Variants in TSHZ2 observed in about 807,000 individuals in gnomAD.
TSHZ2 encodes the protein teashirt homolog 2.
Under a neutral mutation model 74.4 loss-of-function variants are expected in TSHZ2, and 21 were observed. The observed-to-expected ratio is 0.28, with a 90% CI of 0.20 to 0.41. The LOEUF is 0.41. Ranked by LOEUF, TSHZ2 falls within the 10% of genes least tolerant of loss-of-function variation. TSHZ2 has a pLI of 1.00. For missense variants in TSHZ2, 1,244 were observed against 1,293.5 expected (o/e 0.96, Z 0.59); for synonymous variants, 540 against 515.3 (o/e 1.05, Z -0.65).
At chr20:53,387,085 TCA>T (rs1014685341) in intron 2 of TSHZ2, among the ~76,000 whole-genome samples, 8 of 152,176 alleles carry the variant, frequency 5.3e-5, no homozygotes, top group Non-Finnish European at 1.5e-5. Flanking sequence ...GCTCCTGACT[TCA>T]CACACCTGCC....
chr20:53,050,178 CATAT>C (rs1385670873), intron 1 of TSHZ2, among the ~76,000 whole-genome samples: 2 of 137,306 alleles, frequency 1.5e-5, no homozygotes, highest in African/African-American at 5.6e-5. Context: ...CATATATACA[CATAT>C]ATATGTATAT....
chr20:53,172,108 C>A (rs541846437), intron 1 of TSHZ2, among the ~76,000 whole-genome samples: 1 of 152,298 alleles, frequency 6.6e-6, no homozygotes, highest in African/African-American at 2.4e-5. Context: ...TTGCCTAGAA[C>A]AAGAGGGTCA....
At chr20:53,164,692 G>C (rs1363028876) in intron 1 of TSHZ2, among the ~76,000 whole-genome samples, 1 of 152,200 alleles carries the variant, frequency 6.6e-6, no homozygotes, top group Non-Finnish European at 1.5e-5. Context: ...GCACTGTTCT[G>C]AAGGATTAAA....
chr20:53,298,737 T>C (rs926842327), intron 2 of TSHZ2, among the ~76,000 whole-genome samples: 4 of 152,206 alleles, frequency 2.6e-5, no homozygotes, highest in Admixed American at 6.5e-5. Context: ...CATACTGGGA[T>C]GCTACTGAGT....
At chr20:53,053,732 G>T (rs1019476334) in intron 1 of TSHZ2, among the ~76,000 whole-genome samples, 1 of 152,110 alleles carries the variant, frequency 6.6e-6, no homozygotes, top group African/African-American at 2.4e-5. Context: ...AAACATTTTT[G>T]AACTATCTGC....
chr20:53,207,930 T>C (rs568554403), intron 1 of TSHZ2, among the ~76,000 whole-genome samples: 9 of 147,568 alleles, frequency 6.1e-5, no homozygotes, highest in Non-Finnish European at 1.3e-4. Flanking sequence ...AAACTCCTGG[T>C]TTCAAGCAAT....
intron 2 of TSHZ2, among the ~76,000 whole-genome samples, chr20:53,369,569 G>T (rs1345815225): frequency 6.6e-6 from 1 of 151,874 alleles, no homozygotes; most frequent in Non-Finnish European, 1.5e-5. Context: ...AAATTAGCTG[G>T]GCATGGTGGT....
intron 2 of TSHZ2, among the ~76,000 whole-genome samples, chr20:53,315,916 G>A (rs964654357): frequency 6.6e-6 from 1 of 152,158 alleles, no homozygotes; most frequent in Non-Finnish European, 1.5e-5. Context: ...AGCTCTGGAG[G>A]TGGGTGGGTG....
chr20:53,066,643 G>A (rs2123183215), intron 1 of TSHZ2, among the ~76,000 whole-genome samples: 1 of 152,248 alleles, frequency 6.6e-6, no homozygotes, highest in Non-Finnish European at 1.5e-5. Context: ...GAGTAGCTGG[G>A]ATAACAGGTA....
chr20:53,347,060 G>A (rs1198646056), intron 2 of TSHZ2, among the ~76,000 whole-genome samples: 1 of 152,176 alleles, frequency 6.6e-6, no homozygotes, highest in Non-Finnish European at 1.5e-5. Flanking sequence ...ATGGGCTCCT[G>A]GGAAAGCAGT....
rs371614652 is a variant in TSHZ2, at chr20:53,063,989, C to T, written c.40+90656C>T. ...AGCCTCAAGTTATATTTCTTAATAG[C>T]GATGCAGCAAATTACTATATCTACA... is the stretch of plus-strand genomic sequence containing the variant. On this transcript the variant is annotated intron_variant, in intron 1 of 2. Coordinates refer to ENST00000371497, the MANE Select transcript of TSHZ2 (RefSeq NM_173485.6). 4.7e-4 allele frequency among the ~76,000 whole-genome samples: 71 copies of T among 152,096 alleles called. No homozygotes were observed. The Middle Eastern group carries it at 0.014, about 29-fold the overall frequency.
chr20:53,484,327 C>T (rs940458446), intron 2 of TSHZ2, among the ~76,000 whole-genome samples: 2 of 151,858 alleles, frequency 1.3e-5, no homozygotes, highest in African/African-American at 4.8e-5. Flanking sequence ...TAAAGCCATC[C>T]TCTGCTTTTT....
At chr20:53,441,250 ATTTTATTTTATTTTATTTTAT>A (rs1984308322) in intron 2 of TSHZ2, among the ~76,000 whole-genome samples, 36 of 146,192 alleles carry the variant, frequency 2.5e-4, no homozygotes, top group African/African-American at 9.1e-4. Flanking sequence ...ATTTTATTTT[ATTTTATTTTATTTTATTTTAT>A]TTTATTTATT....
chr20:53,321,968 G>A (rs1178056168), intron 2 of TSHZ2, among the ~76,000 whole-genome samples: 1 of 152,054 alleles, frequency 6.6e-6, no homozygotes, highest in East Asian at 1.9e-4. Context: ...TTCATTAACT[G>A]GCTTAAGTCA....
chr20:53,110,590 T>C (rs1986504136), intron 1 of TSHZ2, among the ~76,000 whole-genome samples: 1 of 151,958 alleles, frequency 6.6e-6, no homozygotes, highest in South Asian at 2.1e-4. Flanking sequence ...AGATACGTGA[T>C]CAACAAGGAA....
intron 1 of TSHZ2, among the ~76,000 whole-genome samples, chr20:53,047,959 G>A (rs1225677185): frequency 2.0e-5 from 3 of 152,162 alleles, no homozygotes; most frequent in Admixed American, 1.3e-4. Context: ...GGAAACGGAG[G>A]TCAGAAGGGG....
intron 2 of TSHZ2, among the ~76,000 whole-genome samples, chr20:53,338,341 G>A (rs1039960141): frequency 1.3e-5 from 2 of 152,138 alleles, no homozygotes; most frequent in African/African-American, 4.8e-5. Flanking sequence ...TGGAAACATC[G>A]GTGAAGCCCA....
At chr20:53,108,422 C>T (rs116290397) in intron 1 of TSHZ2, among the ~76,000 whole-genome samples, 100 of 152,186 alleles carry the variant, frequency 6.6e-4, no homozygotes, top group African/African-American at 2.3e-3. Flanking sequence ...AAAAACAAGC[C>T]GCCCTGAGGA....
intron 1 of TSHZ2, among the ~76,000 whole-genome samples, chr20:53,133,555 G>A (rs937928788): frequency 4.6e-5 from 7 of 152,178 alleles, no homozygotes; most frequent in East Asian, 1.9e-4. Flanking sequence ...CAGGCAGCTC[G>A]TCATATTCTC....
Sources: allele counts gnomAD v4.1 joint callset (sites outside exome capture counted in the v4.1 genomes callset), GRCh38; gene constraint gnomAD v4.1.1; transcripts MANE v1.5; gene names NCBI Gene and HGNC (gene_info 2026-07-23, HGNC 2026-07-21).